The following AP3B1 variants were observed in gnomAD, a reference collection of about 807,000 sequenced individuals.
AP3B1 encodes adaptor related protein complex 3 subunit beta 1, also known as AP-3 complex subunit beta-1.
A neutral mutation model predicts 132.5 loss-of-function variants in AP3B1; 61 were observed. The observed-to-expected ratio is 0.46, with a 90% CI of 0.37 to 0.57. AP3B1 has a LOEUF of 0.57. Ranked by LOEUF, AP3B1 falls within the 20% of genes least tolerant of loss-of-function variation. AP3B1 has a pLI of 0.00. For missense variants in AP3B1, 1,120 were observed against 1,289.4 expected, an observed-to-expected ratio of 0.87 and a Z score of 2.01; for synonymous variants, 388 against 438.3, an observed-to-expected ratio of 0.89 and a Z score of 1.43.
chr5:78,269,397 G>A (rs1224722752), intron 1 of AP3B1, among the ~76,000 whole-genome samples: 2 of 152,130 alleles, frequency 1.3e-5, no homozygotes, highest in Non-Finnish European at 2.9e-5. Context: ...AAAGGACAGA[G>A]AAGAATATAT....
At chr5:78,176,497 T>G (rs1744153144) in intron 9 of AP3B1, among the ~76,000 whole-genome samples, 1 of 152,090 alleles carries the variant, frequency 6.6e-6, no homozygotes, top group Admixed American at 6.5e-5. Flanking sequence ...AGGGCAAAAA[T>G]AAATACATAG....
Position 78,156,003 on chromosome 5 carries a change from C to G in AP3B1, c.1473+255G>C, listed in dbSNP as rs571581556. On this transcript the variant is annotated intron_variant, in intron 14 of 26. Transcript: ENST00000255194. ...ACATGAACATGCATATATACTCACC[C>G]AACATCTAGCTGTTGATATATAAAA... Among the ~76,000 whole-genome samples the G allele has an allele frequency of 2.2e-3, 328 of 152,228 alleles. 1 individual carries two copies. The highest frequency in any genetic ancestry group is 7.6e-3 in the African/African-American group (316 of 41,520).
At chr5:78,072,528 G>A (rs1266592193) in intron 22 of AP3B1, among the ~76,000 whole-genome samples, 1 of 151,796 alleles carries the variant, frequency 6.6e-6, no homozygotes, top group East Asian at 1.9e-4. Flanking sequence ...TTTTTTGGGG[G>A]GAGTATTATT....
At chr5:78,110,889 G>C (rs933418261) in intron 19 of AP3B1, among the ~76,000 whole-genome samples, 1 of 151,890 alleles carries the variant, frequency 6.6e-6, no homozygotes, top group Non-Finnish European at 1.5e-5. Flanking sequence ...CTCCCAAGTA[G>C]TTGGGACTAC....
At chr5:78,079,569 T>C (rs1413275546) in intron 22 of AP3B1, among the ~76,000 whole-genome samples, 2 of 152,122 alleles carry the variant, frequency 1.3e-5, no homozygotes, top group Non-Finnish European at 2.9e-5. Context: ...CAGAAAGATA[T>C]GGAAGAAAAG....
At chr5:78,250,601 T>A (rs1747589126) in intron 2 of AP3B1, among the ~76,000 whole-genome samples, 1 of 151,986 alleles carries the variant, frequency 6.6e-6, no homozygotes, top group Admixed American at 6.6e-5. Flanking sequence ...TGAGGATGAC[T>A]TAAGGAGGAA....
At chr5:78,084,629 T>C (rs1048932524) in intron 22 of AP3B1, among the ~76,000 whole-genome samples, 1 of 150,876 alleles carries the variant, frequency 6.6e-6, no homozygotes, top group African/African-American at 2.4e-5. Context: ...GTCATTCATA[T>C]ATGTGCTTTC....
At position 78,080,731 on chromosome 5, in the gene AP3B1, C is replaced by T. The variant is rs187973513; in HGVS notation, c.2577+8662G>A. Among the ~76,000 whole-genome samples, 221 of 146,636 alleles carry T rather than the reference C, an allele frequency of 1.5e-3. 1 individual carries two copies. Among genetic ancestry groups the T allele is most frequent in the Non-Finnish European group, 2.7e-3 (183 of 67,118 alleles). ...TTTTAAAAATAAGCTTCCTGTTTTA[C>T]AAAACCCAACAACCCTCACATGCAA... On this transcript the variant is annotated intron_variant, in intron 22 of 26. Transcript: ENST00000255194.
intron 21 of AP3B1, among the ~76,000 whole-genome samples, chr5:78,090,973 G>T (rs1283725765): frequency 6.7e-6 from 1 of 149,620 alleles, no homozygotes; most frequent in Non-Finnish European, 1.5e-5. Context: ...TTTTTTTAGA[G>T]ATGGGATCTC....
intron 14 of AP3B1, among the ~76,000 whole-genome samples, chr5:78,155,505 T>C (rs1743111361): frequency 6.6e-6 from 1 of 152,202 alleles, no homozygotes; most frequent in African/African-American, 2.4e-5. Flanking sequence ...AGCCCTCTAT[T>C]TGGCCATCTT....
At chr5:78,079,701 T>TA (rs1749908846) in intron 22 of AP3B1, among the ~76,000 whole-genome samples, 1 of 152,186 alleles carries the variant, frequency 6.6e-6, no homozygotes, top group South Asian at 2.1e-4. Flanking sequence ...TAAAAACCTG[T>TA]ATATAAAATA....
intron 7 of AP3B1, among the ~76,000 whole-genome samples, chr5:78,215,739 A>G (rs1192417463): frequency 6.6e-6 from 1 of 152,182 alleles, no homozygotes; most frequent in East Asian, 1.9e-4. Context: ...CTAGTAACCA[A>G]AAAAATCCAT....
At chr5:78,182,119 C>T (rs1057446776) in intron 7 of AP3B1, among the ~76,000 whole-genome samples, 2 of 152,148 alleles carry the variant, frequency 1.3e-5, no homozygotes, top group African/African-American at 4.8e-5. Context: ...CACGAAAAAA[C>T]TAGTGTTGTT....
intron 1 of AP3B1, 126 bp from the exon 2 acceptor site, chr5:78,267,721 T>C (rs1748385611): frequency 1.7e-6 from 1 of 585,620 alleles, no homozygotes; most frequent in Non-Finnish European, 2.9e-6. Flanking sequence ...AGCAAGAAGG[T>C]GGCCATCTGC....
In AP3B1 at chr5:78,177,160, TAA is replaced by T. The variant is rs1175105730; in HGVS notation, c.1040+177_1040+178del. Among the ~76,000 whole-genome samples, 4 of 152,202 alleles carry T rather than the reference TAA, an allele frequency of 2.6e-5. No homozygotes were observed. The East Asian group carries it at 5.8e-4, about 22-fold the overall frequency. On this transcript the variant is annotated intron_variant, in intron 9 of 26. Transcript: ENST00000255194. ...GTTAAAAAGTTTCAGTATTTATCAT[TAA>T]GTTTGAGATAAATGCATAAAGACTT...
chr5:78,193,744 TTATATATATATATA>T lies in AP3B1; in HGVS notation c.787-12096_787-12083del, dbSNP rs10602406. ...TTTTTAAATATTTGTATATATTTTTTTATATATATATATATATATATATATATTTTTTTTTTAGA... is the reference window on the plus strand; with the variant it reads ...TTTTTAAATATTTGTATATATTTTTTTATATATATATATTTTTTTTTTAGA... On this transcript the variant is annotated intron_variant, in intron 7 of 26. Coordinates refer to ENST00000255194, the MANE Select transcript of AP3B1 (RefSeq NM_003664.5). Among the ~76,000 whole-genome samples the T allele has an allele frequency of 7.2e-5, 8 of 110,390 alleles. No homozygotes were observed. The East Asian group carries it at 7.8e-4, about 11-fold the overall frequency. The allele number at this position is 110,390 out of a possible 152,430, so 72.4% of individuals were successfully genotyped here.
At chr5:78,043,579 C>T (rs1212043295) in intron 22 of AP3B1, 3 of 474,940 alleles carry the variant, frequency 6.3e-6, no homozygotes, top group East Asian at 5.9e-5. Flanking sequence ...CTTCTAAGTA[C>T]TCTGTCTGGT....
At chr5:78,162,744 G>C in intron 13 of AP3B1, 75 bp downstream of exon 13, 6 of 1,531,348 alleles carry the variant, frequency 3.9e-6, no homozygotes, top group Non-Finnish European at 5.4e-6. Flanking sequence ...AGTTAGAAAA[G>C]GTTACAACTT....
chr5:78,130,800 A>C (rs1752655100), intron 15 of AP3B1, among the ~76,000 whole-genome samples: 2 of 152,018 alleles, frequency 1.3e-5, no homozygotes, highest in Non-Finnish European at 1.5e-5. Context: ...TTAACTCTAA[A>C]GTCCATTTGA....
Sources: allele counts gnomAD v4.1 joint callset (sites outside exome capture counted in the v4.1 genomes callset), GRCh38; gene constraint gnomAD v4.1.1; transcripts MANE v1.5; gene names NCBI Gene and HGNC (gene_info 2026-07-23, HGNC 2026-07-21).